GRM8: variants seen among roughly 807,000 people sequenced by gnomAD.
GRM8 encodes metabotropic glutamate receptor 8.
Under a neutral mutation model 87.2 loss-of-function variants are expected in GRM8, and 47 were observed. The observed-to-expected ratio is 0.54, with a 90% confidence interval of 0.43 to 0.69. GRM8 has a LOEUF of 0.69. GRM8 is among the 30% of genes least tolerant of loss of function. The pLI is 0.00. For missense variants in GRM8, 1,019 were observed against 1,139.2 expected, an observed-to-expected ratio of 0.89 and a Z score of 1.52; for synonymous variants, 396 against 404.5, an observed-to-expected ratio of 0.98 and a Z score of 0.25.
intron 6 of GRM8, among the ~76,000 whole-genome samples, chr7:126,773,205 C>G (rs1225480081): frequency 6.6e-6 from 1 of 152,076 alleles, no homozygotes; most frequent in Non-Finnish European, 1.5e-5. Flanking sequence ...CACACACACA[C>G]CCCTCACATA....
At chr7:126,539,951 C>T (rs1816343606) in intron 8 of GRM8, among the ~76,000 whole-genome samples, 1 of 151,926 alleles carries the variant, frequency 6.6e-6, no homozygotes. Flanking sequence ...ATAAATTGCA[C>T]TTCATCTATG....
intron 7 of GRM8, among the ~76,000 whole-genome samples, chr7:126,650,913 C>T (rs1803775292): frequency 6.6e-6 from 1 of 152,098 alleles, no homozygotes; most frequent in Non-Finnish European, 1.5e-5. Flanking sequence ...CTCACCAAGG[C>T]TGACCTAGCT....
intron 6 of GRM8, among the ~76,000 whole-genome samples, chr7:126,863,369 A>G (rs979661917): frequency 1.3e-5 from 2 of 152,066 alleles, no homozygotes; most frequent in Non-Finnish European, 2.9e-5. Flanking sequence ...AACATTTTTC[A>G]AGTATTTACC....
intron 3 of GRM8, among the ~76,000 whole-genome samples, chr7:127,091,458 C>A (rs1242727360): frequency 1.4e-4 from 12 of 86,796 alleles, no homozygotes; most frequent in African/African-American, 5.6e-4. Context: ...CACTGGTCAT[C>A]CCCCCCACCA....
chr7:126,815,182 C>T (rs985859317), intron 6 of GRM8, among the ~76,000 whole-genome samples: 8 of 152,136 alleles, frequency 5.3e-5, no homozygotes, highest in Admixed American at 3.3e-4. Context: ...CTGTCCAGTT[C>T]GTGACAAAAA....
intron 9 of GRM8, among the ~76,000 whole-genome samples, chr7:126,482,862 C>T (rs1563056628): frequency 1.3e-5 from 2 of 151,618 alleles, no homozygotes; most frequent in African/African-American, 2.4e-5. Context: ...AAAAACATGA[C>T]CATGGGCAAA....
chr7:126,648,835 C>G (rs1803469287), intron 7 of GRM8, among the ~76,000 whole-genome samples: 1 of 152,100 alleles, frequency 6.6e-6, no homozygotes, highest in African/African-American at 2.4e-5. Context: ...GCAATATAAT[C>G]CTTAGATGAA....
chr7:126,656,583 G>A (rs999838793), intron 7 of GRM8, among the ~76,000 whole-genome samples: 7 of 152,020 alleles, frequency 4.6e-5, no homozygotes, highest in African/African-American at 9.7e-5. Context: ...CAGGAGAATC[G>A]CTTGAACCTG....
At chr7:126,660,259 T>C (rs545143721) in intron 7 of GRM8, among the ~76,000 whole-genome samples, 1 of 152,336 alleles carries the variant, frequency 6.6e-6, no homozygotes, top group East Asian at 1.9e-4. Context: ...TAATCTGATC[T>C]GTGCTTTAAT....
Position 126,439,071 on chromosome 7 carries a change from A to C in GRM8, c.*48T>G, listed in dbSNP as rs768284567. 8.7e-7 allele frequency: 1 copy of C among 1,152,312 alleles called. No homozygotes were observed. The allele number at this position is 1,152,312 out of a possible 1,614,324, so 71.4% of individuals were successfully genotyped here. A position where few individuals can be genotyped will look rare whatever the true frequency, so the allele number is the denominator to read the frequency against. ...GAATTTTTGCGGTCTCATGTTCATC[A>C]TTTAAGATCATATACCACATCTCTT... On this transcript the variant is annotated 3_prime_UTR_variant, in exon 11 of 11. Transcript: ENST00000339582.
intron 2 of GRM8, among the ~76,000 whole-genome samples, chr7:127,158,557 T>C (rs1182747621): frequency 6.6e-6 from 1 of 152,210 alleles, no homozygotes; most frequent in Non-Finnish European, 1.5e-5. Context: ...CACCAGTACA[T>C]TCAGTGTCTC....
chr7:127,119,165 T>C (rs1265677628), intron 2 of GRM8, among the ~76,000 whole-genome samples: 1 of 151,946 alleles, frequency 6.6e-6, no homozygotes, highest in Non-Finnish European at 1.5e-5. Context: ...CACATCTAAA[T>C]ACAACAGGCG....
intron 8 of GRM8, among the ~76,000 whole-genome samples, chr7:126,550,841 A>T (rs1242617062): frequency 6.6e-6 from 1 of 151,900 alleles, no homozygotes; most frequent in Non-Finnish European, 1.5e-5. Context: ...AATAATGGTG[A>T]ATTAATTAAA....
intron 9 of GRM8, among the ~76,000 whole-genome samples, chr7:126,474,430 G>A (rs910127828): frequency 2.0e-5 from 3 of 152,062 alleles, no homozygotes; most frequent in African/African-American, 7.2e-5. Flanking sequence ...CACCATGCCT[G>A]CCTAATTGTT....
intron 7 of GRM8, among the ~76,000 whole-genome samples, chr7:126,752,625 C>T (rs1816553167): frequency 6.6e-6 from 1 of 152,070 alleles, no homozygotes; most frequent in African/African-American, 2.4e-5. Context: ...CATTTTAACT[C>T]TAAAGAGCAA....
chr7:126,577,434 G>C (rs1229220565), intron 8 of GRM8, among the ~76,000 whole-genome samples: 1 of 152,140 alleles, frequency 6.6e-6, no homozygotes, highest in African/African-American at 2.4e-5. Flanking sequence ...TCTCAGAGTA[G>C]TAACAAAATT....
At chr7:126,801,633 A>G (rs547556358) in intron 6 of GRM8, among the ~76,000 whole-genome samples, 1 of 113,086 alleles carries the variant, frequency 8.8e-6, no homozygotes, top group Non-Finnish European at 2.2e-5. Context: ...TGTATTAGTT[A>G]TTGTAATGCA....
chr7:126,478,113 C>G (rs929591178), intron 9 of GRM8, among the ~76,000 whole-genome samples: 1 of 152,080 alleles, frequency 6.6e-6, no homozygotes, highest in Non-Finnish European at 1.5e-5. Context: ...TCTGCTAAGG[C>G]CCCTTTTCCA....
At position 127,190,530 on chromosome 7, in the gene GRM8, C is replaced by T. The variant is rs566255445; in HGVS notation, c.510+52165G>A. Among the ~76,000 whole-genome samples the T allele has an allele frequency of 5.9e-4, 88 of 148,992 alleles. No homozygotes were observed. In the Middle Eastern group the frequency reaches 0.01, roughly 18 times the overall value. On this transcript the variant is annotated intron_variant, in intron 2 of 10. Coordinates refer to ENST00000339582, the MANE Select transcript of GRM8 (RefSeq NM_000845.3). ...TTGCACTCCAGCCTGGGCGACAGAG[C>T]GAGACTCGGTCTTAAAAAAAAAAAA...
Sources: allele counts gnomAD v4.1 joint callset (sites outside exome capture counted in the v4.1 genomes callset), GRCh38; gene constraint gnomAD v4.1.1; transcripts MANE v1.5; gene names NCBI Gene and HGNC (gene_info 2026-07-23, HGNC 2026-07-21).